The following ZNF738 variants were observed in gnomAD, a reference collection of about 807,000 sequenced individuals.
ZNF738 encodes the protein zinc finger protein 738, also known as protein ZNF738.
Under a neutral mutation model 9.2 loss-of-function variants are expected in ZNF738, and 10 were observed. That is an observed-to-expected ratio of 1.09 (90% CI 0.67 to 1.85). The LOEUF (loss-of-function observed/expected upper bound fraction) is 1.85. Among genes scored for constraint, ZNF738 ranks in the 40% most tolerant of loss-of-function variants. The probability of loss-of-function intolerance (pLI) is 0.00; values close to 1 mark genes in which losing one functional copy is unlikely to be tolerated. For missense variants in ZNF738, 346 were observed against 283.6 expected, an observed-to-expected ratio of 1.22 and a Z score of -1.58; for synonymous variants, 113 against 94.5, an observed-to-expected ratio of 1.20 and a Z score of -1.14.
intron 2 of ZNF738, 119 bp downstream of exon 2, chr19:21,361,977 GT>G: frequency 1.7e-6 from 1 of 581,530 alleles, no homozygotes; most frequent in South Asian, 1.9e-5. Context: ...GCTACTCGGG[GT>G]TGCTGAGGCA....
chr19:21,361,277 C>G (rs1174188540), intron 1 of ZNF738, among the ~76,000 whole-genome samples: 2 of 151,636 alleles, frequency 1.3e-5, no homozygotes, highest in African/African-American at 4.8e-5. Flanking sequence ...GCTGGGATTA[C>G]AGGCATGTGC....
chr19:21,386,149 G>C lies in ZNF738; in HGVS notation c.*2475G>C, dbSNP rs1974064763. On this transcript the variant is annotated 3_prime_UTR_variant, in exon 5 of 5. Transcript: ENST00000683779. ...GAAATCCTCATCCATTACTAAACAA[G>C]ATAATTTGTACTGGAGAGAAAACCT... 6.6e-6 allele frequency among the ~76,000 whole-genome samples: 1 copy of C among 151,138 alleles called. No individual in the cohort carries two copies. Among genetic ancestry groups the C allele is most frequent in the Admixed American group, 6.6e-5 (1 of 15,204 alleles).
chr19:21,387,897 G>A lies in ZNF738; in HGVS notation c.*4223G>A, dbSNP rs1443548430. Among the ~76,000 whole-genome samples, 1 of 152,114 alleles carries A rather than the reference G, an allele frequency of 6.6e-6. No individual in the cohort carries two copies. Among genetic ancestry groups the A allele is most frequent in the Admixed American group, 6.5e-5 (1 of 15,270 alleles). Reference sequence around the variant, plus strand: ...ACATTAGGGCACTTATATTGGAAAAGTGTCTTGCAGATATAATAAATGTGG... The same window carrying A: ...ACATTAGGGCACTTATATTGGAAAAATGTCTTGCAGATATAATAAATGTGG... On this transcript the variant is annotated 3_prime_UTR_variant, in exon 5 of 5. Transcript: ENST00000683779.
intron 1 of ZNF738, among the ~76,000 whole-genome samples, chr19:21,361,455 G>A (rs1466298477): frequency 2.0e-5 from 3 of 152,220 alleles, no homozygotes; most frequent in Admixed American, 1.3e-4. Flanking sequence ...GTACTTTTAA[G>A]AAGGTTTGTT....
intron 2 of ZNF738, among the ~76,000 whole-genome samples, chr19:21,375,029 A>AT (rs1973907078): frequency 6.6e-6 from 1 of 152,190 alleles, no homozygotes; most frequent in Admixed American, 6.6e-5. Flanking sequence ...TATCATATAT[A>AT]CAGCGGTATT....
At chr19:21,374,778 A>G (rs1452954933) in intron 2 of ZNF738, among the ~76,000 whole-genome samples, 2 of 152,258 alleles carry the variant, frequency 1.3e-5, no homozygotes, top group Admixed American at 1.3e-4. Flanking sequence ...TGGCATTACT[A>G]GTGAGCTTGT....
At position 21,386,454 on chromosome 19, in the gene ZNF738, C is replaced by A; in HGVS notation, c.*2780C>A. On this transcript the variant is annotated 3_prime_UTR_variant, in exon 5 of 5. Transcript: ENST00000683779. The stretch of plus-strand genomic sequence containing the variant: ...GATGTGGTAAAGCCGTTATCCAGTC[C>A]TCAACTCCCACTAAACATAACATAA... 1 of 311,744 alleles carries A rather than the reference C, an allele frequency of 3.2e-6. No individual in the cohort carries two copies. The highest frequency in any genetic ancestry group is 6.6e-6 in the Non-Finnish European group (1 of 151,312). 19.3% of individuals were successfully genotyped at this position (311,744 alleles called of 1,614,324 possible). A position where few individuals can be genotyped will look rare whatever the true frequency, so the allele number is the denominator to read the frequency against.
intron 1 of ZNF738, among the ~76,000 whole-genome samples, chr19:21,361,367 C>T (rs1303721370): frequency 2.0e-5 from 3 of 151,648 alleles, no homozygotes; most frequent in Non-Finnish European, 4.4e-5. Flanking sequence ...CTCGAACTCC[C>T]GACCTCAGGT....
At chr19:21,370,696 T>G (rs569398748) in intron 2 of ZNF738, among the ~76,000 whole-genome samples, 1 of 152,214 alleles carries the variant, frequency 6.6e-6, no homozygotes, top group Non-Finnish European at 1.5e-5. Context: ...GCCTCAGTTT[T>G]TTTCTTTTAG....
intron 4 of ZNF738, chr19:21,377,792 T>C: frequency 2.8e-6 from 1 of 356,636 alleles, no homozygotes; most frequent in Non-Finnish European, 5.0e-6. Context: ...GCAAATTGGA[T>C]CTTGGTTTTT....
chr19:21,386,492 A>T lies in ZNF738; in HGVS notation c.*2818A>T. The T allele has an allele frequency of 2.7e-6, 1 of 372,328 alleles. No individual in the cohort carries two copies. Among genetic ancestry groups the T allele is most frequent in the South Asian group, 2.5e-5 (1 of 40,046 alleles). The allele number at this position is 372,328 out of a possible 1,614,324, so 23.1% of individuals were successfully genotyped here. ...AAACATAACATAATTCATACTGGAG[A>T]GAAACCTCACAACTGTGAAGAATGT... On this transcript the variant is annotated 3_prime_UTR_variant, in exon 5 of 5. Coordinates refer to ENST00000683779, the MANE Select transcript of ZNF738 (RefSeq NM_001355237.2).
chr19:21,373,029 A>G (rs1272367632), intron 2 of ZNF738, among the ~76,000 whole-genome samples: 1 of 152,146 alleles, frequency 6.6e-6, no homozygotes, highest in Non-Finnish European at 1.5e-5. Flanking sequence ...TTCTCTAACT[A>G]ATGCTAATAA....
chr19:21,381,033 C>T (rs2968039), intron 4 of ZNF738, among the ~76,000 whole-genome samples: 12 of 152,282 alleles, frequency 7.9e-5, no homozygotes, highest in African/African-American at 2.6e-4. Context: ...CATTTTCTGT[C>T]CCCTAATGAG....
In ZNF738 at chr19:21,384,105, T is replaced by C; in HGVS notation, c.*431T>C. 1 of 1,535,078 alleles carries C rather than the reference T, an allele frequency of 6.5e-7. No individual in the cohort carries two copies. The highest frequency in any genetic ancestry group is 9.0e-7 in the Non-Finnish European group (1 of 1,112,414). On this transcript the variant is annotated 3_prime_UTR_variant, in exon 5 of 5. Coordinates refer to ENST00000683779, the MANE Select transcript of ZNF738 (RefSeq NM_001355237.2). ...CAAATGTGAAGAATGTGGCAAAGCT[T>C]TCTACCGATTATCTTATCTTACTAC...
chr19:21,377,325 T>C lies in ZNF738; in HGVS notation c.319+1361T>C, dbSNP rs1435202774. ...CCATCTAAAAAAAAAAAAAATTGTA[T>C]TATACTGCCTTCAGTTCCTCTCTTC... On this transcript the variant is annotated intron_variant, in intron 4 of 4. Coordinates refer to ENST00000683779, the MANE Select transcript of ZNF738 (RefSeq NM_001355237.2). 7 of 592,248 alleles carry C rather than the reference T, an allele frequency of 1.2e-5. No homozygotes were observed. The East Asian group carries it at 2.1e-4, about 18-fold the overall frequency. The allele number at this position is 592,248 out of a possible 1,614,324, so 36.7% of individuals were successfully genotyped here. A position where few individuals can be genotyped will look rare whatever the true frequency, so the allele number is the denominator to read the frequency against.
chr19:21,359,491 G>A lies in ZNF738; in HGVS notation c.3+348G>A, dbSNP rs564908399. Among the ~76,000 whole-genome samples the A allele has an allele frequency of 2.6e-5, 4 of 152,170 alleles. No individual in the cohort carries two copies. In the South Asian group the frequency reaches 8.3e-4, roughly 31 times the overall value. On this transcript the variant is annotated intron_variant, in intron 1 of 4. Transcript: ENST00000683779. ...GACTTGGGGTGCGGGTTCATGAATG[G>A]GAAGAGGTTTGTTCCGTGGGGTTCC...
rs1974021306 is a variant in ZNF738, at chr19:21,382,857, T to G, written c.320-9T>G. On this transcript the variant is annotated splice_polypyrimidine_tract_variant and intron_variant, in intron 4 of 4. Transcript: ENST00000683779. ...AAGTGGAGTAACTTGATATTTTTAT[T>G]TCTTTCAGTTACATATTCTCATTTT... 1 of 420,530 alleles carries G rather than the reference T, an allele frequency of 2.4e-6. No homozygotes were observed. Among genetic ancestry groups the G allele is most frequent in the Non-Finnish European group, 4.6e-6 (1 of 217,462 alleles). The allele number at this position is 420,530 out of a possible 1,614,324, so 26.0% of individuals were successfully genotyped here.
intron 4 of ZNF738, chr19:21,378,099 G>C (rs1224612718): frequency 5.0e-6 from 2 of 396,886 alleles, no homozygotes; most frequent in Non-Finnish European, 8.9e-6. Flanking sequence ...AACTTTTGTT[G>C]CATGCAAAAA....
intron 4 of ZNF738, chr19:21,378,618 T>C: frequency 2.9e-6 from 1 of 347,626 alleles, no homozygotes; most frequent in Non-Finnish European, 6.0e-6. Flanking sequence ...TTTTTTTTTT[T>C]TTTTTTTGAG....
Sources: allele counts gnomAD v4.1 joint callset (sites outside exome capture counted in the v4.1 genomes callset), GRCh38; gene constraint gnomAD v4.1.1; transcripts MANE v1.5; gene names NCBI Gene and HGNC (gene_info 2026-07-23, HGNC 2026-07-21).